Variants in GRM8 observed in about 807,000 individuals in gnomAD.
The protein encoded by GRM8 is metabotropic glutamate receptor 8.
A neutral mutation model predicts 87.2 loss-of-function variants in GRM8; 47 were observed. The ratio of observed to expected loss-of-function variants is 0.54; its 90% CI spans 0.43 to 0.69. GRM8 has a LOEUF of 0.69. Ranked by LOEUF, GRM8 falls within the 30% of genes least tolerant of loss-of-function variation. GRM8 has a pLI of 0.00. For synonymous variants in GRM8, 396 were observed against 404.5 expected (o/e 0.98, Z 0.25); for missense variants, 1,019 against 1,139.2 (o/e 0.89, Z 1.52).
intron 10 of GRM8, among the ~76,000 whole-genome samples, chr7:126,440,031 A>C (rs902443378): frequency 2.0e-5 from 3 of 152,112 alleles, no homozygotes; most frequent in Non-Finnish European, 2.9e-5. Context: ...AAGTTCATAA[A>C]GTAAAATTTA....
At chr7:127,036,294 G>A (rs572919582) in intron 3 of GRM8, among the ~76,000 whole-genome samples, 72 of 152,268 alleles carry the variant, frequency 4.7e-4, no homozygotes, top group African/African-American at 1.7e-3. Context: ...CTTAATGGAA[G>A]TGGGGTATCT....
intron 8 of GRM8, among the ~76,000 whole-genome samples, chr7:126,539,034 T>G (rs1238058405): frequency 6.6e-6 from 1 of 151,960 alleles, no homozygotes; most frequent in African/African-American, 2.4e-5. Context: ...AAGTGGCCCG[T>G]GTCCTTTGAA....
intron 2 of GRM8, among the ~76,000 whole-genome samples, chr7:127,215,999 G>C (rs1041704269): frequency 5.3e-5 from 8 of 152,212 alleles, no homozygotes; most frequent in African/African-American, 1.2e-4. Flanking sequence ...CTAGCAGAGA[G>C]AGCTTTGCCA....
intron 3 of GRM8, among the ~76,000 whole-genome samples, chr7:126,974,264 G>T (rs553317752): frequency 6.6e-6 from 1 of 152,212 alleles, no homozygotes; most frequent in South Asian, 2.1e-4. Context: ...AAGTATTTTG[G>T]ATAAAAGATA....
chr7:126,760,888 T>A (rs956977879), intron 7 of GRM8, among the ~76,000 whole-genome samples: 2 of 152,124 alleles, frequency 1.3e-5, no homozygotes, highest in Non-Finnish European at 2.9e-5. Flanking sequence ...AATTTCTGTC[T>A]CATTTTCTAC....
intron 6 of GRM8, among the ~76,000 whole-genome samples, chr7:126,884,403 AT>A (rs1800299228): frequency 6.6e-6 from 1 of 152,146 alleles, no homozygotes; most frequent in Non-Finnish European, 1.5e-5. Flanking sequence ...ACAGCCACAT[AT>A]TTTTTCAACC....
At chr7:126,600,550 T>A (rs1797639888) in intron 8 of GRM8, among the ~76,000 whole-genome samples, 1 of 152,174 alleles carries the variant, frequency 6.6e-6, no homozygotes, top group Admixed American at 6.6e-5. Flanking sequence ...AATCTGTACA[T>A]GAGTGTACTT....
At chr7:126,730,512 G>A (rs1025334289) in intron 7 of GRM8, among the ~76,000 whole-genome samples, 3 of 152,112 alleles carry the variant, frequency 2.0e-5, no homozygotes, top group Non-Finnish European at 4.4e-5. Flanking sequence ...GGGGGACCTG[G>A]ATGTCAGACC....
At chr7:126,971,169 A>C (rs1276173073) in intron 3 of GRM8, among the ~76,000 whole-genome samples, 4 of 150,640 alleles carry the variant, frequency 2.7e-5, no homozygotes, top group African/African-American at 4.9e-5. Context: ...AAAAAAAAAA[A>C]AAAAAAAAAA....
At chr7:126,671,044 G>C (rs1481585055) in intron 7 of GRM8, among the ~76,000 whole-genome samples, 1 of 152,172 alleles carries the variant, frequency 6.6e-6, no homozygotes, top group Admixed American at 6.5e-5. Context: ...TATTTTACCA[G>C]GGTTTTGACT....
intron 8 of GRM8, among the ~76,000 whole-genome samples, chr7:126,558,651 A>G (rs1793392183): frequency 6.6e-6 from 1 of 152,096 alleles, no homozygotes; most frequent in Admixed American, 6.5e-5. Context: ...TTTATACTGC[A>G]TTTTTTAGGG....
At position 126,693,065 on chromosome 7, in the gene GRM8, T is replaced by A. The variant is rs552573671; in HGVS notation, c.1357+76800A>T. On this transcript the variant is annotated intron_variant, in intron 7 of 10. Transcript: ENST00000339582. ...TTGGCTGGAAGAGTGAATAACAAAC[T>A]AATCGCCTCAAACTTCACTAAGATT... Among the ~76,000 whole-genome samples the A allele has an allele frequency of 2.0e-3, 306 of 152,284 alleles. 1 individual carries two copies. The highest frequency in any genetic ancestry group is 7.1e-3 in the African/African-American group (295 of 41,544).
intron 9 of GRM8, among the ~76,000 whole-genome samples, chr7:126,455,041 T>C (rs984286589): frequency 6.6e-6 from 1 of 151,710 alleles, no homozygotes; most frequent in Non-Finnish European, 1.5e-5. Flanking sequence ...ATGTCTGATA[T>C]TGATTAAAAC....
At chr7:126,894,938 T>A (rs1386865704) in intron 6 of GRM8, among the ~76,000 whole-genome samples, 3 of 152,092 alleles carry the variant, frequency 2.0e-5, no homozygotes, top group Admixed American at 1.3e-4. Context: ...CCACTCTATG[T>A]GTATTTACGA....
At chr7:126,874,710 A>G (rs1045880464) in intron 6 of GRM8, among the ~76,000 whole-genome samples, 1 of 152,064 alleles carries the variant, frequency 6.6e-6, no homozygotes, top group Non-Finnish European at 1.5e-5. Context: ...CTCACTCCAA[A>G]TTCCCTTGCT....
chr7:126,837,434 G>C (rs1297176806), intron 6 of GRM8, among the ~76,000 whole-genome samples: 1 of 152,210 alleles, frequency 6.6e-6, no homozygotes, highest in African/African-American at 2.4e-5. Context: ...CTTGACAACT[G>C]TATGAATAAA....
At chr7:126,776,057 A>G (rs1342532515) in intron 6 of GRM8, among the ~76,000 whole-genome samples, 8 of 152,200 alleles carry the variant, frequency 5.3e-5, no homozygotes, top group Admixed American at 5.2e-4. Context: ...TTTCTTCCCA[A>G]ACTTCGCCTA....
intron 9 of GRM8, among the ~76,000 whole-genome samples, chr7:126,450,375 A>C (rs1236968958): frequency 6.6e-6 from 1 of 151,790 alleles, no homozygotes; most frequent in Non-Finnish European, 1.5e-5. Context: ...TTTATTCCTG[A>C]CTATTTCTGT....
intron 9 of GRM8, among the ~76,000 whole-genome samples, chr7:126,523,457 C>T (rs1813307916): frequency 6.6e-6 from 1 of 151,510 alleles, no homozygotes; most frequent in Non-Finnish European, 1.5e-5. Context: ...TTAGTGTTTG[C>T]ACAAGTCCCC....
Sources: gnomAD v4.1 joint callset for allele counts (sites outside exome capture counted in the v4.1 genomes callset) on GRCh38, gnomAD v4.1.1 for gene constraint, MANE v1.5 for transcripts, NCBI Gene and HGNC (gene_info 2026-07-23, HGNC 2026-07-21) for gene names.